Variants in MCM3 observed in about 807,000 individuals in gnomAD.
MCM3 encodes minichromosome maintenance complex component 3.
Under a neutral mutation model 91.3 loss-of-function variants are expected in MCM3, and 59 were observed. The observed-to-expected ratio is 0.65, with a 90% CI of 0.52 to 0.80. The LOEUF (loss-of-function observed/expected upper bound fraction) is 0.80, where lower values mean the gene tolerates loss of function less well. MCM3 is among the 30% of genes least tolerant of loss of function. The pLI, the probability that MCM3 is intolerant of heterozygous loss-of-function variation, is 0.00. For missense variants in MCM3, 919 were observed against 1,035.4 expected, an observed-to-expected ratio of 0.89 and a Z score of 1.54; for synonymous variants, 383 against 379.6, an observed-to-expected ratio of 1.01 and a Z score of -0.10.
chr6:52,278,801 G>C lies in MCM3; in HGVS notation c.820C>G (p.Pro274Ala). ...NVKQMSKDAQPSFSAEDIAKI... is the reference protein window; with the variant it reads ...NVKQMSKDAQASFSAEDIAKI... The stretch of plus-strand genomic sequence containing the variant: ...GCTATATCCTCAGCAGAGAAAGAGG[G>C]CTGAGCATCCTTGCTCATCTGCTTA... Residue 274 changes from proline (P) to alanine (A), a missense_variant, in exon 6 of 17, where the codon CCC becomes GCC. Physicochemically the swap from Pro to Ala is conservative, Grantham distance 27. Coordinates refer to ENST00000596288, the MANE Select transcript of MCM3 (RefSeq NM_002388.6). The C allele has an allele frequency of 6.2e-7, 1 of 1,614,010 alleles. No individual in the cohort carries two copies. Among genetic ancestry groups the C allele is most frequent in the Non-Finnish European group, 8.5e-7 (1 of 1,179,942 alleles).
rs575728435 is a variant in MCM3 at position 52,282,695 on chromosome 6, A to C, written c.358T>G (p.Phe120Val). The C allele has an allele frequency of 1.2e-6, 2 of 1,613,828 alleles. No homozygotes were observed. The highest frequency in any genetic ancestry group is 2.2e-5 in the South Asian group (2 of 91,066). Residue 120 changes from phenylalanine to valine, a missense_variant, in exon 3 of 17, where the codon TTC becomes GTC. Phe to Val is a conservative substitution (Grantham distance 50). This residue lies in a region of MCM3 where 401 missense variants were observed against 402.7 expected (regional missense o/e 1.00). Transcript: ENST00000596288. ...HVSPRTLTSCFLSCVVCVEGI... is the reference protein window; with the variant it reads ...HVSPRTLTSCVLSCVVCVEGI... Reference sequence around the variant, plus strand: ...TCCACACAGACCACACAGCTGAGGAAGCAGGAGGTAAGAGTCCGCGGGGAG... The same window carrying C: ...TCCACACAGACCACACAGCTGAGGACGCAGGAGGTAAGAGTCCGCGGGGAG...
Position 52,277,636 on chromosome 6 carries a change from T to G in MCM3, c.932A>C (p.Asp311Ala). ...GCAGAGGATTGCTTTCTTGACATAG[T>G]CATGCCCATGGATACTTGGGGCCAA... Reference protein sequence around the residue: ...KSLAPSIHGHDYVKKAILCLL... With the variant: ...KSLAPSIHGHAYVKKAILCLL... Residue 311 changes from aspartate (D) to alanine (A), a missense_variant, in exon 7 of 17, where the codon GAC (aspartate) becomes GCC (alanine). By Grantham distance (126) the Asp-to-Ala change is moderately radical (BLOSUM62 -2). Transcript: ENST00000596288. 6.2e-7 allele frequency: 1 copy of G among 1,614,022 alleles called. No individual in the cohort carries two copies. The highest frequency in any genetic ancestry group is 8.5e-7 in the Non-Finnish European group (1 of 1,179,988).
chr6:52,276,274 G>A lies in MCM3; in HGVS notation c.1368C>T (p.Tyr456=), dbSNP rs753627406. 29 of 1,609,866 alleles carry A rather than the reference G, an allele frequency of 1.8e-5. No individual in the cohort carries two copies. Among genetic ancestry groups the A allele is most frequent in the African/African-American group, 2.7e-5 (2 of 74,826 alleles). The part of the protein sequence containing the change: ...CSVLAAANPV[Y]GRYDQYKTPM... ...GGGGCCTGATTCCACTTACCCTGCC[G>A]TAGACAGGGTTGGCAGCTGCCAAAA... is the stretch of plus-strand genomic sequence containing the variant. Residue 456 remains tyrosine (Y), a synonymous_variant, in exon 9 of 17, where the codon TAC becomes TAT. Transcript: ENST00000596288.
chr6:52,278,070 CAAAAAAAAAAA>C (rs61625257), intron 6 of MCM3, among the ~76,000 whole-genome samples: 8 of 38,972 alleles, frequency 2.1e-4, no homozygotes, highest in East Asian at 9.1e-4. Context: ...TCCGTCTCAC[CAAAAAAAAAAA>C]AAAAAAAAAA....
chr6:52,264,815 G>C (rs2128272643), intron 16 of MCM3, 29 bp from the exon 17 acceptor site: 1 of 1,605,146 alleles, frequency 6.2e-7, no homozygotes, highest in South Asian at 1.1e-5. Context: ...AGGGGGAAGA[G>C]GAGTAAACAA....
rs1256015712 is a variant in MCM3 at position 52,266,140 on chromosome 6, G to A, written c.2163C>T (p.His721=). Residue 721 remains histidine, a synonymous_variant, in exon 16 of 17, where the codon CAC becomes CAT. Coordinates refer to ENST00000596288, the MANE Select transcript of MCM3 (RefSeq NM_002388.6). The part of the protein sequence containing the change: ...SDTEEEMPQV[H]TPKTADSQET... ...CCTGTGAGTCTGCCGTCTTTGGAGT[G>A]TGTACTTCAGAGGGTTGATGGTTGT... 6.2e-6 allele frequency: 10 copies of A among 1,613,244 alleles called. No individual in the cohort carries two copies. The highest frequency in any genetic ancestry group is 2.2e-5 in the East Asian group (1 of 44,898).
chr6:52,284,510 G>C (rs1375309470), intron 1 of MCM3, 87 bp downstream of exon 1: 15 of 1,252,086 alleles, frequency 1.2e-5, no homozygotes, highest in Middle Eastern at 5.2e-4. Flanking sequence ...ACACGGTCTG[G>C]AGGTCTGGCG....
chr6:52,265,039 G>A (rs552725033), intron 16 of MCM3, among the ~76,000 whole-genome samples: 28 of 152,226 alleles, frequency 1.8e-4, no homozygotes, highest in Middle Eastern at 3.4e-3. Context: ...GCGTCAATGC[G>A]GGACAATTTA....
At chr6:52,279,248 A>G (rs1051642757) in intron 5 of MCM3, 113 bp downstream of exon 5, 2 of 852,608 alleles carry the variant, frequency 2.3e-6, no homozygotes, top group Admixed American at 4.5e-5. Context: ...AGGCAGGTAG[A>G]GTGCTCCACC....
chr6:52,280,491 G>A (rs1228734512), intron 4 of MCM3, among the ~76,000 whole-genome samples: 1 of 152,200 alleles, frequency 6.6e-6, no homozygotes, highest in East Asian at 1.9e-4. Context: ...AAGGAAACCA[G>A]GAGACTAGGA....
chr6:52,281,949 AG>A, intron 4 of MCM3, 95 bp downstream of exon 4: 1 of 1,302,550 alleles, frequency 7.7e-7, no homozygotes. Context: ...CACCCTTTAC[AG>A]AAAAAAGACT....
Position 52,279,587 on chromosome 6 carries a change from T to C in MCM3, c.544A>G (p.Asn182Asp). The C allele has an allele frequency of 6.2e-7, 1 of 1,612,468 alleles. No homozygotes were observed. Among genetic ancestry groups the C allele is most frequent in the Non-Finnish European group, 8.5e-7 (1 of 1,178,800 alleles). Residue 182 changes from asparagine (N) to aspartate (D), a missense_variant, in exon 5 of 17, where the codon AAT becomes GAT. Physicochemically the swap from Asn to Asp is conservative, Grantham distance 23 (BLOSUM62 1). Around this residue, in one of 3 missense-constraint regions of MCM3, gnomAD observed 401 missense variants for 402.7 expected, o/e 1.00. Transcript: ENST00000596288. ...SVYPTKDEEN[N>D]PLETEYGLSV... is the part of the protein sequence containing the mutation. ...AGGCCATATTCTGTCTCAAGGGGAT[T>C]GTTCTCCTCATCCTAGAAAAAGGCA...
intron 12 of MCM3, among the ~76,000 whole-genome samples, chr6:52,270,850 G>A (rs976568653): frequency 3.9e-5 from 6 of 152,172 alleles, no homozygotes; most frequent in African/African-American, 7.2e-5. Context: ...AAAAGTTGTG[G>A]GAAAATAGGT....
At chr6:52,269,580 T>C (rs760657832) in intron 12 of MCM3, among the ~76,000 whole-genome samples, 1 of 152,170 alleles carries the variant, frequency 6.6e-6, no homozygotes, top group Non-Finnish European at 1.5e-5. Flanking sequence ...CATTCTGTCA[T>C]TTCACCCTCT....
At chr6:52,274,869 A>G (rs569881203) in intron 9 of MCM3, among the ~76,000 whole-genome samples, 22 of 152,168 alleles carry the variant, frequency 1.4e-4, no homozygotes, top group Middle Eastern at 3.4e-3. Context: ...AGGTCCTGCC[A>G]TTTTTCTTGT....
In MCM3 at chr6:52,284,600, G is replaced by A. The variant is rs370531295; in HGVS notation, c.75C>T (p.Asp25=). 18 of 1,606,666 alleles carry A rather than the reference G, an allele frequency of 1.1e-5. No homozygotes were observed. Among genetic ancestry groups the A allele is most frequent in the East Asian group, 2.2e-5 (1 of 44,704 alleles). The part of the protein sequence containing the change: ...AQRDYLDFLD[D]EEDQGIYQSK... ...CGCGCGCCGGCGCCTCCCTCACCTC[G>A]TCGTCCAGGAAGTCCAGGTAATCTC... is the stretch of plus-strand genomic sequence containing the variant. The change falls in exon 1 of 17, where the codon GAC becomes GAT. Residue 25 remains aspartate, a synonymous_variant. Coordinates refer to ENST00000596288, the MANE Select transcript of MCM3 (RefSeq NM_002388.6).
chr6:52,269,394 T>C (rs1764912237), intron 12 of MCM3, among the ~76,000 whole-genome samples, 168 bp from the exon 13 acceptor site: 2 of 152,014 alleles, frequency 1.3e-5, no homozygotes, highest in African/African-American at 4.8e-5. Context: ...AGAAAGATGA[T>C]AGCAATGATC....
At chr6:52,284,572 G>A (rs758133212) in intron 1 of MCM3, 25 bp downstream of exon 1, 2 of 1,585,098 alleles carry the variant, frequency 1.3e-6, no homozygotes, top group South Asian at 2.3e-5. Flanking sequence ...GAGCGCTAGA[G>A]CCCGCGCGCC....
intron 12 of MCM3, among the ~76,000 whole-genome samples, chr6:52,271,235 G>A (rs748387394): frequency 5.3e-5 from 8 of 152,168 alleles, no homozygotes; most frequent in Non-Finnish European, 1.2e-4. Flanking sequence ...TTGAGTAGAT[G>A]ATCTGGGATC....
Sources: allele counts gnomAD v4.1 joint callset (sites outside exome capture counted in the v4.1 genomes callset), GRCh38; gene constraint gnomAD v4.1.1; regional missense constraint gnomAD v4.1.1; transcripts MANE v1.5; gene names NCBI Gene and HGNC (gene_info 2026-07-23, HGNC 2026-07-21).